PKD1L3: variants seen among roughly 807,000 people sequenced by gnomAD.
PKD1L3 encodes the protein polycystin-1-like protein 3.
In PKD1L3, 239 loss-of-function variants were observed where a neutral mutation model predicts 184.1. The observed-to-expected ratio is 1.30, with a 90% confidence interval of 1.17 to 1.45. PKD1L3 has a LOEUF of 1.45. Among genes scored for constraint, PKD1L3 ranks in the 40% most tolerant of loss-of-function variants. The pLI is 0.00. For synonymous variants in PKD1L3, 996 were observed against 778.8 expected, an observed-to-expected ratio of 1.28 and a Z score of -4.64; for missense variants, 2,660 against 2,067.2, an observed-to-expected ratio of 1.29 and a Z score of -5.56.
At chr16:71,934,698 C>A (rs2038114274) in intron 26 of PKD1L3, among the ~76,000 whole-genome samples, 1 of 152,142 alleles carries the variant, frequency 6.6e-6, no homozygotes, top group Admixed American at 6.6e-5. Flanking sequence ...TTGGAAGGAG[C>A]CCCACAGACA....
chr16:71,967,828 C>T, intron 14 of PKD1L3, 78 bp downstream of exon 14: 1 of 1,243,492 alleles, frequency 8.0e-7, no homozygotes, highest in East Asian at 2.6e-5. Context: ...CTATTGGTTG[C>T]CAGGATATCA....
chr16:71,997,490 T>G (rs938882841), intron 2 of PKD1L3, among the ~76,000 whole-genome samples: 25 of 151,586 alleles, frequency 1.6e-4, no homozygotes, highest in Admixed American at 1.5e-3. Context: ...GGCTCATGCC[T>G]GTAATCCCAA....
intron 5 of PKD1L3, among the ~76,000 whole-genome samples, chr16:71,985,120 T>C (rs947918857): frequency 6.6e-6 from 1 of 152,232 alleles, no homozygotes; most frequent in African/African-American, 2.4e-5. Context: ...AATGCTGACA[T>C]TGCTAAATCC....
chr16:71,979,646 A>G, intron 9 of PKD1L3, 140 bp downstream of exon 9: 1 of 1,070,978 alleles, frequency 9.3e-7, no homozygotes, highest in Non-Finnish European at 1.2e-6. Flanking sequence ...CCAGTGTAAA[A>G]TAAAAATGAA....
intron 28 of PKD1L3, 62 bp downstream of exon 28, chr16:71,933,358 C>G (rs1567485336): frequency 8.0e-7 from 1 of 1,247,836 alleles, no homozygotes; most frequent in Non-Finnish European, 1.1e-6. Context: ...TTCATAAGGA[C>G]CCCCCCAATT....
intron 29 of PKD1L3, 97 bp downstream of exon 29, chr16:71,929,955 G>A (rs2037869982): frequency 7.5e-6 from 10 of 1,337,538 alleles, no homozygotes; most frequent in South Asian, 4.5e-5. Flanking sequence ...ATGATACTGT[G>A]CATTATAAAT....
At chr16:71,959,550 G>A (rs1480452043) in intron 16 of PKD1L3, among the ~76,000 whole-genome samples, 1 of 152,124 alleles carries the variant, frequency 6.6e-6, no homozygotes, top group Admixed American at 6.6e-5. Context: ...AAACAAAATG[G>A]TAAAACCATA....
chr16:71,983,771 A>G (rs1368284296), intron 6 of PKD1L3, among the ~76,000 whole-genome samples: 1 of 138,324 alleles, frequency 7.2e-6, no homozygotes, highest in East Asian at 2.2e-4. Context: ...TCAAGTGATT[A>G]TTGTGCCTCA....
In PKD1L3 at chr16:71,949,825, A is replaced by G; in HGVS notation, c.3576T>C (p.Ile1192=). The G allele has an allele frequency of 6.4e-7, 1 of 1,551,394 alleles. No individual in the cohort carries two copies. The highest frequency in any genetic ancestry group is 1.4e-5 in the African/African-American group (1 of 73,132). ...DQATSWMISI[I]LSVLQNIFIS... ...TGAAGATGTTCTGAAGCACTGATAA[A>G]ATAATTGAAATCATCCAGCTGGTGG... Residue 1192 remains isoleucine (I), a synonymous_variant, in exon 21 of 30, where the codon ATT becomes ATC. Coordinates refer to ENST00000620267, the MANE Select transcript of PKD1L3 (RefSeq NM_181536.2).
At chr16:71,985,147 AATTT>A (rs1193177234) in intron 5 of PKD1L3, among the ~76,000 whole-genome samples, 14 of 152,184 alleles carry the variant, frequency 9.2e-5, no homozygotes, top group African/African-American at 2.9e-4. Context: ...TATTTCTAAT[AATTT>A]ATTATAGATC....
chr16:71,969,471 C>CTTTTT (rs71391427), intron 13 of PKD1L3, among the ~76,000 whole-genome samples: 7 of 117,356 alleles, frequency 6.0e-5, no homozygotes, highest in Admixed American at 9.2e-5. Context: ...ATGCCAGGCT[C>CTTTTT]TTTTTTTTTT....
At position 71,942,732 on chromosome 16, in the gene PKD1L3, C is replaced by T. The variant is rs953222209; in HGVS notation, c.4152G>A (p.Ala1384=). The stretch of plus-strand genomic sequence containing the variant: ...CACAGGTATGGCCGTTATCACAAAA[C>T]GCCAGCTGACCTTCGTCCACTTTCT... ...TYEKVDEGQL[A]FCDNGHTCGR... The change falls in exon 24 of 30, where the codon GCG becomes GCA. Residue 1384 remains alanine (A), a synonymous_variant. Transcript: ENST00000620267. The T allele has an allele frequency of 2.1e-5, 32 of 1,551,576 alleles. No homozygotes were observed. Among genetic ancestry groups the T allele is most frequent in the East Asian group, 1.5e-4 (6 of 40,932 alleles).
intron 24 of PKD1L3, 129 bp from the exon 25 acceptor site, chr16:71,937,548 T>C (rs141540545): frequency 1.7e-5 from 17 of 997,220 alleles, no homozygotes; most frequent in Non-Finnish European, 2.2e-5. Context: ...GTGCTCCACT[T>C]AGTATTTCCT....
chr16:71,958,416 A>T (rs545370126), intron 16 of PKD1L3, among the ~76,000 whole-genome samples: 1 of 150,994 alleles, frequency 6.6e-6, no homozygotes, highest in East Asian at 2.0e-4. Flanking sequence ...GGACACACAC[A>T]CACTTCTCAT....
chr16:71,982,307 C>T, intron 6 of PKD1L3, 72 bp from the exon 7 acceptor site: 1 of 1,092,516 alleles, frequency 9.2e-7, no homozygotes, highest in Non-Finnish European at 1.2e-6. Flanking sequence ...TTTTTGGTGA[C>T]AGAGTTTCAC....
chr16:71,942,306 C>A (rs55746831), intron 24 of PKD1L3, among the ~76,000 whole-genome samples: 1 of 152,054 alleles, frequency 6.6e-6, no homozygotes, highest in African/African-American at 2.4e-5. Flanking sequence ...GCACTCCAGC[C>A]TGGGCGACAG....
chr16:71,978,357 G>A lies in PKD1L3; in HGVS notation c.1425C>T (p.Phe475=). The A allele has an allele frequency of 6.5e-7, 1 of 1,550,054 alleles. No homozygotes were observed. Among genetic ancestry groups the A allele is most frequent in the African/African-American group, 1.4e-5 (1 of 73,012 alleles). ...CAATGTTTCTGTTGTCCAAATCCTTGAAGGGATTGAAAGCTAGTCCTGTTA... is the reference window on the plus strand; with the variant it reads ...CAATGTTTCTGTTGTCCAAATCCTTAAAGGGATTGAAAGCTAGTCCTGTTA... The part of the protein sequence containing the change: ...VQITGLAFNP[F]KDLDNRNIVG... The change falls in exon 10 of 30, where the codon TTC becomes TTT. Residue 475 remains phenylalanine, a synonymous_variant. Coordinates refer to ENST00000620267, the MANE Select transcript of PKD1L3 (RefSeq NM_181536.2).
intron 5 of PKD1L3, among the ~76,000 whole-genome samples, chr16:71,985,935 T>C (rs956255652): frequency 1.3e-5 from 2 of 152,210 alleles, no homozygotes; most frequent in African/African-American, 2.4e-5. Flanking sequence ...AGGAATTGTC[T>C]AGAGGTTTGC....
chr16:71,991,464 A>T (rs1458996964), intron 3 of PKD1L3, among the ~76,000 whole-genome samples: 3 of 152,264 alleles, frequency 2.0e-5, no homozygotes, highest in Non-Finnish European at 2.9e-5. Flanking sequence ...ATGACAAAAA[A>T]AATACTGTAG....
Sources: allele counts gnomAD v4.1 joint callset (sites outside exome capture counted in the v4.1 genomes callset), GRCh38; gene constraint gnomAD v4.1.1; transcripts MANE v1.5; gene names NCBI Gene and HGNC (gene_info 2026-07-23, HGNC 2026-07-21).